Variants in ARID5B observed in about 807,000 individuals in gnomAD.
The protein encoded by ARID5B is AT-rich interactive domain-containing protein 5B.
ARID5B carries 13 observed loss-of-function variants against 97.2 expected under a neutral mutation model. The observed-to-expected ratio is 0.13, with a 90% confidence interval of 0.09 to 0.21. The LOEUF (loss-of-function observed/expected upper bound fraction) is 0.21, where lower values mean the gene tolerates loss of function less well. ARID5B is among the 10% of genes least tolerant of loss of function. The probability of loss-of-function intolerance (pLI) is 1.00; values close to 1 mark genes in which losing one functional copy is unlikely to be tolerated. For synonymous variants in ARID5B, 556 were observed against 570.3 expected (o/e 0.97, Z 0.36); for missense variants, 1,210 against 1,465.3 (o/e 0.83, Z 2.84).
chr10:61,982,101 G>A (rs570985159), intron 3 of ARID5B, among the ~76,000 whole-genome samples: 1 of 152,346 alleles, frequency 6.6e-6, no homozygotes, highest in Non-Finnish European at 1.5e-5. Flanking sequence ...GGAAGAAGCA[G>A]TATAGAGTTG....
chr10:61,926,142 A>T (rs975492244), intron 2 of ARID5B, among the ~76,000 whole-genome samples: 1 of 152,202 alleles, frequency 6.6e-6, no homozygotes, highest in Admixed American at 6.6e-5. Flanking sequence ...ACAACAGAAA[A>T]TTCTTTACAT....
At chr10:61,990,111 C>A (rs1750521019) in intron 3 of ARID5B, among the ~76,000 whole-genome samples, 2 of 152,214 alleles carry the variant, frequency 1.3e-5, no homozygotes, top group Non-Finnish European at 2.9e-5. Context: ...TTGAAGACCA[C>A]TGATTTAAGA....
At position 62,091,908 on chromosome 10, in the gene ARID5B, G is replaced by T. The variant is rs764539433; in HGVS notation, c.2445G>T (p.Glu815Asp). 6.2e-7 allele frequency: 1 copy of T among 1,614,028 alleles called. No homozygotes were observed. Among genetic ancestry groups the T allele is most frequent in the South Asian group, 1.1e-5 (1 of 91,074 alleles). Residue 815 changes from glutamate (E) to aspartate (D), a missense_variant, in exon 10 of 10, where the codon GAG becomes GAT. Physicochemically the swap from Glu to Asp is conservative, Grantham distance 45. Transcript: ENST00000279873. ...AGGAGGGCAAGGATAAACTCTTAGA[G>T]AAAAGGGCCCTCCCCCATTCCCACA... ...EIQEGKDKLL[E>D]KRALPHSHMP... is the part of the protein sequence containing the mutation.
At chr10:61,956,792 A>G (rs1472774410) in intron 3 of ARID5B, among the ~76,000 whole-genome samples, 1 of 152,194 alleles carries the variant, frequency 6.6e-6, no homozygotes, top group Non-Finnish European at 1.5e-5. Context: ...TTTACTTTTT[A>G]TATAACACAC....
At position 62,049,167 on chromosome 10, in the gene ARID5B, G is replaced by A. The variant is rs1054197200; in HGVS notation, c.734-1721G>A. On this transcript the variant is annotated intron_variant, in intron 4 of 9. Coordinates refer to ENST00000279873, the MANE Select transcript of ARID5B (RefSeq NM_032199.3). ...GCAAGAGGTCAGGATCCACAAAACA[G>A]GCCGGATGAAATCACCATCTCCGTG... is the stretch of plus-strand genomic sequence containing the variant. The A allele has an allele frequency of 9.6e-6, 12 of 1,254,100 alleles. No homozygotes were observed. The South Asian group carries it at 2.0e-4, about 21-fold the overall frequency. 77.7% of individuals were successfully genotyped at this position (1,254,100 alleles called of 1,614,324 possible).
chr10:62,004,027 C>A (rs895567976), intron 4 of ARID5B, among the ~76,000 whole-genome samples: 1 of 152,122 alleles, frequency 6.6e-6, no homozygotes, highest in African/African-American at 2.4e-5. Flanking sequence ...GAAATTTCAT[C>A]ATTTAGTCCA....
At chr10:61,922,045 A>C (rs1288392141) in intron 2 of ARID5B, among the ~76,000 whole-genome samples, 2 of 152,032 alleles carry the variant, frequency 1.3e-5, no homozygotes, top group African/African-American at 4.8e-5. Context: ...TTCCTCCCAA[A>C]TATCTCCCCG....
intron 4 of ARID5B, among the ~76,000 whole-genome samples, chr10:62,006,854 T>C (rs1320350327): frequency 6.6e-6 from 1 of 152,188 alleles, no homozygotes; most frequent in Non-Finnish European, 1.5e-5. Flanking sequence ...AAAATAACTC[T>C]GGACACCTTT....
At chr10:62,088,804 G>A (rs534830964) in intron 9 of ARID5B, among the ~76,000 whole-genome samples, 32 of 152,194 alleles carry the variant, frequency 2.1e-4, no homozygotes, top group Non-Finnish European at 4.3e-4. Context: ...AATATGAAGC[G>A]GTGAACTCAA....
At chr10:61,996,893 AAAATAT>A (rs1839006416) in intron 3 of ARID5B, among the ~76,000 whole-genome samples, 1 of 147,022 alleles carries the variant, frequency 6.8e-6, no homozygotes, top group African/African-American at 2.5e-5. Flanking sequence ...CTGAAAAAAA[AAAATAT>A]ATATATATAT....
intron 2 of ARID5B, among the ~76,000 whole-genome samples, chr10:61,914,337 G>A (rs1843861475): frequency 6.6e-6 from 1 of 152,194 alleles, no homozygotes; most frequent in Non-Finnish European, 1.5e-5. Flanking sequence ...AGTTCTCTGT[G>A]CTGTTAAAGG....
In ARID5B at chr10:62,093,847, C is replaced by T. The variant is rs1300029297; in HGVS notation, c.*817C>T. 1 of 233,308 alleles carries T rather than the reference C, an allele frequency of 4.3e-6. No individual in the cohort carries two copies. Among genetic ancestry groups the T allele is most frequent in the Non-Finnish European group, 8.5e-6 (1 of 117,992 alleles). The allele number at this position is 233,308 out of a possible 1,614,324, so 14.5% of individuals were successfully genotyped here. On this transcript the variant is annotated 3_prime_UTR_variant, in exon 10 of 10. Transcript: ENST00000279873. ...ATTGAAGCAACTGATTCTAGTGGAA[C>T]AAATGAAAAAGAAACAGTCAAGCAC...
At chr10:61,931,154 C>T (rs369245433) in intron 2 of ARID5B, among the ~76,000 whole-genome samples, 15 of 152,234 alleles carry the variant, frequency 9.9e-5, no homozygotes, top group Non-Finnish European at 1.8e-4. Context: ...CTCAAAGTTT[C>T]GGACTCAGGA....
At chr10:61,997,489 A>T (rs1839017513) in intron 3 of ARID5B, among the ~76,000 whole-genome samples, 4 of 152,214 alleles carry the variant, frequency 2.6e-5, no homozygotes, top group Admixed American at 2.0e-4. Context: ...CTGTTCATTT[A>T]TACTCCTTCA....
At chr10:62,049,108 T>A in intron 4 of ARID5B, 1 of 1,098,172 alleles carries the variant, frequency 9.1e-7, no homozygotes, top group Non-Finnish European at 1.1e-6. Context: ...CGTGTCAAAT[T>A]CATGGAACGT....
intron 3 of ARID5B, among the ~76,000 whole-genome samples, chr10:61,986,430 G>A (rs1838848255): frequency 6.6e-6 from 1 of 152,196 alleles, no homozygotes; most frequent in South Asian, 2.1e-4. Context: ...TGCTGAGAAG[G>A]AGAGCTGAAG....
In ARID5B at chr10:62,086,792, T is replaced by A. The variant is rs560582255; in HGVS notation, c.1398+892T>A. Among the ~76,000 whole-genome samples, 213 of 145,682 alleles carry A rather than the reference T, an allele frequency of 1.5e-3. 4 individuals are homozygous for A. The South Asian group carries it at 0.046, about 31-fold the overall frequency. ...GGAGGATAACCAGAGCCCTGGGAGG[T>A]AAAGTCTGCAGTGAGCTGTGATTAT... On this transcript the variant is annotated intron_variant, in intron 9 of 9. Coordinates refer to ENST00000279873, the MANE Select transcript of ARID5B (RefSeq NM_032199.3).
intron 3 of ARID5B, among the ~76,000 whole-genome samples, chr10:61,982,929 G>T (rs971157795): frequency 6.6e-6 from 1 of 152,172 alleles, no homozygotes; most frequent in Non-Finnish European, 1.5e-5. Context: ...CTGGCCCTCC[G>T]ATCAGAAAGA....
intron 8 of ARID5B, among the ~76,000 whole-genome samples, chr10:62,074,514 G>C (rs996133200): frequency 2.0e-5 from 3 of 152,074 alleles, no homozygotes; most frequent in South Asian, 2.1e-4. Flanking sequence ...AGTGTGGGAG[G>C]CTTCATGTTT....
Sources: allele counts gnomAD v4.1 joint callset (sites outside exome capture counted in the v4.1 genomes callset), GRCh38; gene constraint gnomAD v4.1.1; transcripts MANE v1.5; gene names NCBI Gene and HGNC (gene_info 2026-07-23, HGNC 2026-07-21).